The following ARHGAP39 variants were observed in gnomAD, a reference collection of about 807,000 sequenced individuals.
ARHGAP39 encodes the protein Rho GTPase activating protein 39.
ARHGAP39 carries 44 observed loss-of-function variants against 106.9 expected under a neutral mutation model. The observed-to-expected ratio is 0.41, with a 90% CI of 0.32 to 0.53. The LOEUF is 0.53. Ranked by LOEUF, ARHGAP39 falls within the 20% of genes least tolerant of loss-of-function variation. ARHGAP39 has a pLI of 0.21. For synonymous variants in ARHGAP39, 768 were observed against 693.2 expected (o/e 1.11, Z -1.69); for missense variants, 1,496 against 1,577.3 (o/e 0.95, Z 0.87).
At chr8:144,575,971 C>T (rs564349791) in intron 3 of ARHGAP39, among the ~76,000 whole-genome samples, 3 of 152,106 alleles carry the variant, frequency 2.0e-5, no homozygotes, top group Non-Finnish European at 4.4e-5. Flanking sequence ...TTACGTGGCA[C>T]GTGACTGTAT....
At chr8:144,659,791 T>C (rs1225305701) in intron 1 of ARHGAP39, among the ~76,000 whole-genome samples, 1 of 152,326 alleles carries the variant, frequency 6.6e-6, no homozygotes, top group African/African-American at 2.4e-5. Flanking sequence ...CTGGCTGTCT[T>C]GAGGGGTCCA....
At chr8:144,590,687 C>T (rs931506052) in intron 2 of ARHGAP39, among the ~76,000 whole-genome samples, 4 of 152,140 alleles carry the variant, frequency 2.6e-5, no homozygotes, top group African/African-American at 7.2e-5. Flanking sequence ...GGGGGGGCAG[C>T]GGTCACCATG....
chr8:144,662,724 C>T (rs576888299), intron 1 of ARHGAP39, among the ~76,000 whole-genome samples: 1 of 150,106 alleles, frequency 6.7e-6, no homozygotes, highest in South Asian at 2.1e-4. Flanking sequence ...CATTACCCGC[C>T]TCCCCATTAT....
chr8:144,574,971 C>T (rs561600291), intron 3 of ARHGAP39, among the ~76,000 whole-genome samples: 1 of 152,364 alleles, frequency 6.6e-6, no homozygotes, highest in East Asian at 1.9e-4. Flanking sequence ...GCCTGCTACA[C>T]ACCCAGGCTA....
intron 1 of ARHGAP39, among the ~76,000 whole-genome samples, chr8:144,663,073 T>C: frequency 8.1e-6 from 1 of 123,034 alleles, no homozygotes; most frequent in Non-Finnish European, 1.7e-5. Context: ...CCCCCCATTA[T>C]CCATCTTGGA....
At chr8:144,651,190 G>A (rs1328034343) in intron 1 of ARHGAP39, among the ~76,000 whole-genome samples, 1 of 152,058 alleles carries the variant, frequency 6.6e-6, no homozygotes, top group Non-Finnish European at 1.5e-5. Context: ...TAGGAATACA[G>A]CTAACCAGGG....
Position 144,555,116 on chromosome 8 carries a change from G to C in ARHGAP39, c.596+444C>G, listed in dbSNP as rs113820118. Among the ~76,000 whole-genome samples the C allele has an allele frequency of 2.1e-3, 316 of 152,350 alleles. 3 individuals are homozygous for C. Among genetic ancestry groups the C allele is most frequent in the African/African-American group, 3.1e-3 (127 of 41,584 alleles). ...GTGAAGGCAGTAGGGTCTTGAGGGT[G>C]GTCTCCAGAACCTTCCAGCAGTCTG... On this transcript the variant is annotated intron_variant, in intron 4 of 11. Transcript: ENST00000377307.
chr8:144,652,982 T>C (rs1281860531), intron 1 of ARHGAP39, among the ~76,000 whole-genome samples: 2 of 152,088 alleles, frequency 1.3e-5, no homozygotes, highest in South Asian at 2.1e-4. Context: ...GTGATTTTAA[T>C]GTGCAGCCAA....
intron 10 of ARHGAP39, 74 bp downstream of exon 10, chr8:144,532,231 G>A: frequency 7.6e-7 from 1 of 1,324,230 alleles, no homozygotes; most frequent in Non-Finnish European, 1.1e-6. Context: ...GGACCCCAGA[G>A]GCGGAGACAG....
intron 7 of ARHGAP39, among the ~76,000 whole-genome samples, chr8:144,536,002 G>A (rs902380962): frequency 6.6e-6 from 1 of 152,220 alleles, no homozygotes; most frequent in Non-Finnish European, 1.5e-5. Flanking sequence ...CTAGGAAGGT[G>A]GGGATGACTG....
At chr8:144,580,137 CCT>C (rs897922941) in intron 3 of ARHGAP39, among the ~76,000 whole-genome samples, 2 of 152,160 alleles carry the variant, frequency 1.3e-5, no homozygotes, top group East Asian at 1.9e-4. Flanking sequence ...CTGACCTCTC[CCT>C]GTTTCTGAGG....
chr8:144,609,397 C>CTTTTT (rs779442641), intron 1 of ARHGAP39, among the ~76,000 whole-genome samples: 20 of 121,320 alleles, frequency 1.6e-4, no homozygotes, highest in African/African-American at 2.9e-4. Flanking sequence ...ATGTATTGTC[C>CTTTTT]TTTTTTTTTT....
rs1231157467 is a variant in ARHGAP39, at chr8:144,684,168, C to T, written c.-82+1518G>A. On this transcript the variant is annotated intron_variant, in intron 1 of 11. Coordinates refer to ENST00000377307, the MANE Select transcript of ARHGAP39 (RefSeq NM_025251.3). This position sits in a 1 kb window ranked among gnomAD's most constrained non-coding sequence, Gnocchi z 4.4. Reference sequence around the variant, plus strand: ...CTCTCAGGAAGACAGCTGGCTACACCAAGTGCAGGGAGCGAGGCGCCACCC... The same window carrying T: ...CTCTCAGGAAGACAGCTGGCTACACTAAGTGCAGGGAGCGAGGCGCCACCC... Among the ~76,000 whole-genome samples, 2 of 152,214 alleles carry T rather than the reference C, an allele frequency of 1.3e-5. No individual in the cohort carries two copies. The highest frequency in any genetic ancestry group is 1.9e-4 in the East Asian group (1 of 5,194).
intron 3 of ARHGAP39, among the ~76,000 whole-genome samples, chr8:144,566,117 G>C (rs760684500): frequency 1.3e-5 from 2 of 152,028 alleles, no homozygotes; most frequent in South Asian, 4.2e-4. Context: ...GTTTTGTTTT[G>C]GGAGAAAAAA....
At chr8:144,533,090 G>A (rs1285000309) in intron 9 of ARHGAP39, 36 bp downstream of exon 9, 2 of 1,585,152 alleles carry the variant, frequency 1.3e-6, no homozygotes, top group African/African-American at 2.7e-5. Flanking sequence ...ACATGGCTGT[G>A]GCCCCCACAC....
At position 144,547,443 on chromosome 8, in the gene ARHGAP39, C is replaced by A. The variant is rs1220356889; in HGVS notation, c.1643G>T (p.Gly548Val). The A allele has an allele frequency of 5.7e-6, 9 of 1,573,846 alleles. No homozygotes were observed. Among genetic ancestry groups the A allele is most frequent in the Non-Finnish European group, 7.7e-6 (9 of 1,166,962 alleles). Residue 548 changes from glycine (G) to valine (V), a missense_variant, in exon 5 of 12, where the codon GGC becomes GTC. Around this residue, in one of 4 missense-constraint regions of ARHGAP39, gnomAD observed 905 missense variants for 816.4 expected, o/e 1.11. Coordinates refer to ENST00000377307, the MANE Select transcript of ARHGAP39 (RefSeq NM_025251.3). The surrounding 1 kb of genome is among the most constrained non-coding windows in gnomAD (Gnocchi z 5.2). ...RAEGEAEGARGAAEPFLAQAR... is the reference protein window; with the variant it reads ...RAEGEAEGARVAAEPFLAQAR... ...CTGCGCCAGGAAGGGCTCGGCCGCG[C>A]CCCGCGCCCCTTCGGCCTCACCTTC...
At chr8:144,572,824 G>T (rs1476562295) in intron 3 of ARHGAP39, among the ~76,000 whole-genome samples, 1 of 152,166 alleles carries the variant, frequency 6.6e-6, no homozygotes, top group Non-Finnish European at 1.5e-5. Flanking sequence ...GATATAAACA[G>T]ACATTTCTCA....
At chr8:144,562,265 T>C (rs202130760) in intron 3 of ARHGAP39, among the ~76,000 whole-genome samples, 27 of 60,594 alleles carry the variant, frequency 4.5e-4, no homozygotes, top group Non-Finnish European at 8.7e-4. Flanking sequence ...GTTTCCATCG[T>C]GCTCCAGTGG....
At position 144,533,466 on chromosome 8, in the gene ARHGAP39, G is replaced by A. The variant is rs554957830; in HGVS notation, c.2689-141C>T. 13 of 849,334 alleles carry A rather than the reference G, an allele frequency of 1.5e-5. No homozygotes were observed. The South Asian group carries it at 2.0e-4, about 13-fold the overall frequency. The allele number at this position is 849,334 out of a possible 1,614,324, so 52.6% of individuals were successfully genotyped here. On this transcript the variant is annotated intron_variant, in intron 8 of 11. Transcript: ENST00000377307. ...CCACACACCTGGGTCCGAGTGTGGT[G>A]TTTCCCCAGGCCACTGTCCATCCCT...
Sources: gnomAD v4.1 joint callset for allele counts (sites outside exome capture counted in the v4.1 genomes callset) on GRCh38, gnomAD v4.1.1 for gene constraint, gnomAD v4.1.1 regional missense constraint, Gnocchi (gnomAD v3.1) non-coding constraint, MANE v1.5 for transcripts, NCBI Gene and HGNC (gene_info 2026-07-23, HGNC 2026-07-21) for gene names.